MAGI1: variants seen among roughly 807,000 people sequenced by gnomAD.
MAGI1 encodes membrane associated guanylate kinase, WW and PDZ domain containing 1.
Under a neutral mutation model 139.9 loss-of-function variants are expected in MAGI1, and 58 were observed. The ratio of observed to expected loss-of-function variants is 0.41; its 90% confidence interval spans 0.34 to 0.52. MAGI1 has a LOEUF of 0.52. MAGI1 is among the 20% of genes least tolerant of loss of function. The pLI is 0.12. For synonymous variants in MAGI1, 812 were observed against 737.9 expected (o/e 1.10, Z -1.63); for missense variants, 1,874 against 1,901.6 (o/e 0.99, Z 0.27).
At chr3:65,940,840 G>T (rs1460868568) in intron 1 of MAGI1, among the ~76,000 whole-genome samples, 1 of 151,964 alleles carries the variant, frequency 6.6e-6, no homozygotes. Flanking sequence ...CGTTTCAGTG[G>T]AAGATCTCTC....
At chr3:65,961,199 A>C (rs914435473) in intron 1 of MAGI1, among the ~76,000 whole-genome samples, 2 of 152,204 alleles carry the variant, frequency 1.3e-5, no homozygotes, top group Non-Finnish European at 2.9e-5. Flanking sequence ...ACTGCAATGC[A>C]TTAAAGGTAG....
At chr3:65,627,455 T>C (rs942660545) in intron 1 of MAGI1, among the ~76,000 whole-genome samples, 2 of 148,706 alleles carry the variant, frequency 1.3e-5, no homozygotes, top group Admixed American at 6.7e-5. Context: ...AGATGCTCTC[T>C]TGATTTGCCG....
intron 22 of MAGI1, chr3:65,360,342 T>A (rs1940697048): frequency 3.1e-6 from 3 of 979,080 alleles, no homozygotes; most frequent in Non-Finnish European, 3.6e-6. Flanking sequence ...ATCTAGGGCA[T>A]AGCTTCTTCT....
intron 5 of MAGI1, among the ~76,000 whole-genome samples, chr3:65,462,923 T>C (rs1318168240): frequency 1.3e-5 from 2 of 152,332 alleles, no homozygotes; most frequent in African/African-American, 4.8e-5. Context: ...TCTGTTTGTC[T>C]ACTATTGGTG....
chr3:65,403,170 A>G (rs2107130306), intron 12 of MAGI1, among the ~76,000 whole-genome samples: 1 of 152,254 alleles, frequency 6.6e-6, no homozygotes, highest in East Asian at 1.9e-4. Flanking sequence ...CAAGATTATT[A>G]AGATAATGAA....
intron 1 of MAGI1, among the ~76,000 whole-genome samples, chr3:66,030,229 C>A (rs1473982672): frequency 6.6e-6 from 1 of 152,192 alleles, no homozygotes; most frequent in African/African-American, 2.4e-5. Context: ...CAGCCATTGA[C>A]TGTAAATGTT....
At chr3:65,581,204 A>G (rs544866806) in intron 2 of MAGI1, among the ~76,000 whole-genome samples, 1 of 152,260 alleles carries the variant, frequency 6.6e-6, no homozygotes, top group South Asian at 2.1e-4. Flanking sequence ...ATCCAGAATC[A>G]TTCTTTGAAA....
chr3:65,442,917 C>A, intron 7 of MAGI1, 68 bp from the exon 8 acceptor site: 1 of 1,166,110 alleles, frequency 8.6e-7, no homozygotes, highest in Non-Finnish European at 1.3e-6. Flanking sequence ...TTTTCAACAA[C>A]TGAGTTAGGC....
At chr3:65,414,062 G>T (rs1225220871) in intron 12 of MAGI1, among the ~76,000 whole-genome samples, 2 of 152,144 alleles carry the variant, frequency 1.3e-5, no homozygotes, top group Non-Finnish European at 2.9e-5. Flanking sequence ...TCTGATTCTG[G>T]CTATTTCCTA....
intron 5 of MAGI1, chr3:65,470,037 A>G (rs1950462696): frequency 1.4e-5 from 3 of 219,674 alleles, no homozygotes; most frequent in East Asian, 1.9e-4. Flanking sequence ...ATTTCTATAT[A>G]CCATAATTTA....
chr3:65,401,376 ACCTCCAGC>A, intron 13 of MAGI1, 55 bp downstream of exon 13: 9 of 406,676 alleles, frequency 2.2e-5, no homozygotes, highest in Non-Finnish European at 3.5e-5. Flanking sequence ...GTACCCTCCC[ACCTCCAGC>A]CCCCCACCAT....
At chr3:65,879,837 G>C (rs1333413258) in intron 1 of MAGI1, among the ~76,000 whole-genome samples, 4 of 152,170 alleles carry the variant, frequency 2.6e-5, no homozygotes, top group Non-Finnish European at 4.4e-5. Flanking sequence ...GCTGATAAGT[G>C]GGCTGAACTG....
At chr3:65,389,428 A>G (rs1403093792) in intron 14 of MAGI1, among the ~76,000 whole-genome samples, 1 of 152,134 alleles carries the variant, frequency 6.6e-6, no homozygotes, top group African/African-American at 2.4e-5. Flanking sequence ...CATACAGGAA[A>G]ACTCAATCAT....
chr3:65,812,468 T>TCTCTCTCACACA (rs1176899313), intron 1 of MAGI1, among the ~76,000 whole-genome samples: 2 of 89,168 alleles, frequency 2.2e-5, no homozygotes, highest in East Asian at 5.7e-4. Flanking sequence ...TCTCTCTCTC[T>TCTCTCTCACACA]CACACACACA....
chr3:65,823,572 C>T (rs1421671851), intron 1 of MAGI1, among the ~76,000 whole-genome samples: 8 of 152,230 alleles, frequency 5.3e-5, no homozygotes, highest in Non-Finnish European at 4.4e-5. Context: ...ATTGCATACA[C>T]TGTTGTCAAC....
At chr3:65,952,775 C>A (rs1560049301) in intron 1 of MAGI1, among the ~76,000 whole-genome samples, 1 of 152,220 alleles carries the variant, frequency 6.6e-6, no homozygotes, top group Non-Finnish European at 1.5e-5. Context: ...GATCATGCCA[C>A]TGCACTCCAG....
chr3:65,625,654 T>G (rs780353251), intron 1 of MAGI1, among the ~76,000 whole-genome samples: 1 of 152,190 alleles, frequency 6.6e-6, no homozygotes, highest in Non-Finnish European at 1.5e-5. Flanking sequence ...ATTATGATGT[T>G]GTTGAATGGA....
chr3:65,634,177 C>T (rs946693786), intron 1 of MAGI1, among the ~76,000 whole-genome samples: 1 of 152,100 alleles, frequency 6.6e-6, no homozygotes, highest in Admixed American at 6.6e-5. Context: ...GGACTCAAAT[C>T]CGGGGGAGTA....
At chr3:65,827,716 A>G (rs1262432913) in intron 1 of MAGI1, among the ~76,000 whole-genome samples, 3 of 152,192 alleles carry the variant, frequency 2.0e-5, no homozygotes, top group African/African-American at 7.2e-5. Context: ...CCAAGCTACA[A>G]ACTTTTGGCA....
Sources: allele counts gnomAD v4.1 joint callset (sites outside exome capture counted in the v4.1 genomes callset), GRCh38; gene constraint gnomAD v4.1.1; transcripts MANE v1.5; gene names NCBI Gene and HGNC (gene_info 2026-07-23, HGNC 2026-07-21).